The following NME5 variants were observed in gnomAD, a reference collection of about 807,000 sequenced individuals.
NME5 encodes the protein nucleoside diphosphate kinase 5.
In NME5, 18 loss-of-function variants were observed where a neutral mutation model predicts 21.6. The observed-to-expected ratio is 0.83, with a 90% confidence interval of 0.58 to 1.24. The LOEUF (loss-of-function observed/expected upper bound fraction) is 1.24. NME5 is among the 50% of genes most tolerant of loss of function. The pLI is 0.00. For synonymous variants in NME5, 70 were observed against 80.6 expected, an observed-to-expected ratio of 0.87 and a Z score of 0.71; for missense variants, 223 against 255.4, an observed-to-expected ratio of 0.87 and a Z score of 0.86.
chr5:138,130,457 T>A (rs1163186567), intron 2 of NME5, among the ~76,000 whole-genome samples: 1 of 152,166 alleles, frequency 6.6e-6, no homozygotes, highest in Non-Finnish European at 1.5e-5. Context: ...TGTTCTTTAT[T>A]CTGGTTCTGT....
intron 2 of NME5, among the ~76,000 whole-genome samples, chr5:138,134,687 A>G (rs1346933249): frequency 2.0e-5 from 3 of 151,372 alleles, no homozygotes; most frequent in South Asian, 4.2e-4. Context: ...GCTAATTTTT[A>G]ATTTATAATT....
intron 5 of NME5, among the ~76,000 whole-genome samples, chr5:138,117,770 G>A (rs2151156820): frequency 6.6e-6 from 1 of 152,152 alleles, no homozygotes; most frequent in East Asian, 1.9e-4. Flanking sequence ...ATCACCTGAG[G>A]TCAGGAGTTC....
At position 138,128,443 on chromosome 5, in the gene NME5, G is replaced by A. The variant is rs1465927468; in HGVS notation, c.436+36C>T. 3.1e-5 allele frequency: 44 copies of A among 1,412,704 alleles called. 1 individual carries two copies. In the East Asian group the frequency reaches 1.0e-3, roughly 33 times the overall value. 87.5% of individuals were successfully genotyped at this position (1,412,704 alleles called of 1,614,324 possible). A position where few individuals can be genotyped will look rare whatever the true frequency, so the allele number is the denominator to read the frequency against. On this transcript the variant is annotated intron_variant, in intron 4 of 5. Transcript: ENST00000265191. ...AATAAAAGAAAAAGCAAACAATAAG[G>A]AGATGCAGTTGACAAGTTAGTCATC... is the stretch of plus-strand genomic sequence containing the variant.
At chr5:138,122,241 C>A (rs1008318275) in intron 4 of NME5, among the ~76,000 whole-genome samples, 29 of 151,620 alleles carry the variant, frequency 1.9e-4, no homozygotes, top group Non-Finnish European at 3.7e-4. Flanking sequence ...GAGTTTGAGA[C>A]CAGCCTGCCC....
intron 2 of NME5, among the ~76,000 whole-genome samples, chr5:138,135,054 C>T (rs1751663771): frequency 6.7e-6 from 1 of 148,678 alleles, no homozygotes; most frequent in Non-Finnish European, 1.5e-5. Flanking sequence ...CATAGTGGCT[C>T]ACGCCTGTAA....
At chr5:138,134,524 A>T (rs900382873) in intron 2 of NME5, among the ~76,000 whole-genome samples, 1 of 151,788 alleles carries the variant, frequency 6.6e-6, no homozygotes, top group Non-Finnish European at 1.5e-5. Context: ...GATTACAGGC[A>T]TGAGCCACCG....
intron 2 of NME5, among the ~76,000 whole-genome samples, chr5:138,132,682 G>A (rs1445456409): frequency 1.3e-5 from 2 of 152,168 alleles, no homozygotes; most frequent in African/African-American, 2.4e-5. Context: ...TTTGTAGCAA[G>A]GGACCAAACC....
chr5:138,115,616 AACAGTAGAAGT>A lies in NME5; in HGVS notation c.*54_*64del. ...TTAAACCCTAGAAATAATTTTTTCAAACAGTAGAAGTACAGCCTTTTATAATAAGATAGTTC... is the reference window on the plus strand; with the variant it reads ...TTAAACCCTAGAAATAATTTTTTCAAACAGCCTTTTATAATAAGATAGTTC... On this transcript the variant is annotated 3_prime_UTR_variant, in exon 6 of 6. Transcript: ENST00000265191. 6 of 972,984 alleles carry A rather than the reference AACAGTAGAAGT, an allele frequency of 6.2e-6. No individual in the cohort carries two copies. Among genetic ancestry groups the A allele is most frequent in the Non-Finnish European group, 7.5e-6 (5 of 667,226 alleles). The allele number at this position is 972,984 out of a possible 1,614,324, so 60.3% of individuals were successfully genotyped here.
In NME5 at chr5:138,134,573, T is replaced by G. The variant is rs115836495; in HGVS notation, c.129+4079A>C. On this transcript the variant is annotated intron_variant, in intron 2 of 5. Transcript: ENST00000265191. ...TTTTGGATTTTTAGTAGAGATAAGG[T>G]TTCACCACATTGGCCAGGGTGGTCT... is the stretch of plus-strand genomic sequence containing the variant. Among the ~76,000 whole-genome samples the G allele has an allele frequency of 4.2e-4, 64 of 151,690 alleles. 1 individual carries two copies. Among genetic ancestry groups the G allele is most frequent in the African/African-American group, 1.5e-3 (63 of 41,334 alleles).
At chr5:138,137,032 C>A (rs1396786815) in intron 2 of NME5, among the ~76,000 whole-genome samples, 1 of 150,628 alleles carries the variant, frequency 6.6e-6, no homozygotes, top group African/African-American at 2.4e-5. Flanking sequence ...ACTCCAACAA[C>A]AAAATAAATC....
intron 4 of NME5, among the ~76,000 whole-genome samples, chr5:138,121,187 C>A (rs754104835): frequency 5.4e-4 from 82 of 151,684 alleles, no homozygotes; most frequent in Middle Eastern, 3.4e-3. Context: ...ATATATATAT[C>A]ATTTTTGGGG....
At chr5:138,123,779 T>G (rs1751337312) in intron 4 of NME5, among the ~76,000 whole-genome samples, 1 of 152,132 alleles carries the variant, frequency 6.6e-6, no homozygotes, top group Admixed American at 6.6e-5. Flanking sequence ...AGTTTTATTT[T>G]TAGTTTCTTG....
chr5:138,131,336 G>A (rs1340163726), intron 2 of NME5, among the ~76,000 whole-genome samples: 3 of 151,414 alleles, frequency 2.0e-5, no homozygotes, highest in African/African-American at 7.3e-5. Flanking sequence ...AGCCAAGATC[G>A]TGTCACTGCA....
At chr5:138,132,826 T>G (rs1751599661) in intron 2 of NME5, among the ~76,000 whole-genome samples, 1 of 152,164 alleles carries the variant, frequency 6.6e-6, no homozygotes, top group Non-Finnish European at 1.5e-5. Flanking sequence ...CAAATTGAAA[T>G]TCATACAGCG....
At chr5:138,126,436 G>A (rs1421247551) in intron 4 of NME5, among the ~76,000 whole-genome samples, 1 of 145,010 alleles carries the variant, frequency 6.9e-6, no homozygotes, top group Non-Finnish European at 1.5e-5. Flanking sequence ...ACTTGAGTCT[G>A]CGTGGTCAAG....
At position 138,122,599 on chromosome 5, in the gene NME5, G is replaced by T. The variant is rs144113053; in HGVS notation, c.437-3663C>A. Among the ~76,000 whole-genome samples, 479 of 151,104 alleles carry T rather than the reference G, an allele frequency of 3.2e-3. 6 individuals carry two copies. Among genetic ancestry groups the T allele is most frequent in the Middle Eastern group, 0.014 (4 of 294 alleles). Reference sequence around the variant, plus strand: ...ATGTATACAATTTTTTCTCAATATGGGCAAATGTTTTATTCATATATTATA... The same window carrying T: ...ATGTATACAATTTTTTCTCAATATGTGCAAATGTTTTATTCATATATTATA... On this transcript the variant is annotated intron_variant, in intron 4 of 5. Coordinates refer to ENST00000265191, the MANE Select transcript of NME5 (RefSeq NM_003551.3).
At chr5:138,137,935 G>A (rs953004608) in intron 2 of NME5, among the ~76,000 whole-genome samples, 3 of 151,766 alleles carry the variant, frequency 2.0e-5, no homozygotes, top group African/African-American at 7.3e-5. Context: ...GACCTGGAAG[G>A]CAGAGGTTGC....
chr5:138,134,394 C>A (rs1421942372), intron 2 of NME5, among the ~76,000 whole-genome samples: 1 of 152,144 alleles, frequency 6.6e-6, no homozygotes, highest in African/African-American at 2.4e-5. Flanking sequence ...CAGGCTCCCA[C>A]CACCACGCCC....
At chr5:138,136,243 G>A (rs930455868) in intron 2 of NME5, among the ~76,000 whole-genome samples, 2 of 152,248 alleles carry the variant, frequency 1.3e-5, no homozygotes, top group Non-Finnish European at 2.9e-5. Context: ...CTATAGGACA[G>A]ATTTCCAAGA....
Sources: gnomAD v4.1 joint callset for allele counts (sites outside exome capture counted in the v4.1 genomes callset) on GRCh38, gnomAD v4.1.1 for gene constraint, MANE v1.5 for transcripts, NCBI Gene and HGNC (gene_info 2026-07-23, HGNC 2026-07-21) for gene names.